The following SLC44A5 variants were observed in gnomAD, a reference collection of about 807,000 sequenced individuals.
SLC44A5 encodes the protein solute carrier family 44 member 5, also known as choline transporter-like protein 5.
Under a neutral mutation model 101.8 loss-of-function variants are expected in SLC44A5, and 57 were observed. The ratio of observed to expected loss-of-function variants is 0.56; its 90% confidence interval spans 0.45 to 0.70. The LOEUF (loss-of-function observed/expected upper bound fraction) is 0.70. SLC44A5 is among the 30% of genes least tolerant of loss of function. The probability of loss-of-function intolerance (pLI) is 0.00; values close to 1 mark genes in which losing one functional copy is unlikely to be tolerated. For synonymous variants in SLC44A5, 281 were observed against 290.9 expected, an observed-to-expected ratio of 0.97 and a Z score of 0.35; for missense variants, 737 against 853.1, an observed-to-expected ratio of 0.86 and a Z score of 1.70.
the SLC44A5 span, among the ~76,000 whole-genome samples, chr1:75,625,844 C>T: frequency 6.6e-6 from 1 of 152,240 alleles, no homozygotes; most frequent in East Asian, 1.9e-4. Context: ...GTTTAAATTG[C>T]TGTTGTGTTT....
intron 6 of SLC44A5, among the ~76,000 whole-genome samples, chr1:75,254,118 G>A (rs1426968833): frequency 4.0e-5 from 6 of 151,498 alleles, no homozygotes; most frequent in Admixed American, 1.3e-4. Context: ...TGCTCACTGC[G>A]ACCTCTGCCT....
chr1:75,251,993 A>G (rs1173143541), intron 6 of SLC44A5, among the ~76,000 whole-genome samples: 1 of 152,142 alleles, frequency 6.6e-6, no homozygotes, highest in Non-Finnish European at 1.5e-5. Flanking sequence ...TACTTCACAG[A>G]GTGTTGGGAG....
chr1:75,590,555 G>A (rs1174683024), intron 1 of SLC44A5, among the ~76,000 whole-genome samples: 1 of 152,110 alleles, frequency 6.6e-6, no homozygotes, highest in Non-Finnish European at 1.5e-5. Flanking sequence ...CTGCCCTGGG[G>A]CAGAGAGGAG....
chr1:75,347,216 T>A (rs914841838), intron 3 of SLC44A5, among the ~76,000 whole-genome samples: 1 of 152,148 alleles, frequency 6.6e-6, no homozygotes, highest in African/African-American at 2.4e-5. Flanking sequence ...AGTGATAACA[T>A]CTCTCCTGCT....
chr1:75,657,331 T>C, the SLC44A5 span, among the ~76,000 whole-genome samples: 1 of 152,026 alleles, frequency 6.6e-6, no homozygotes, highest in Admixed American at 6.6e-5. Flanking sequence ...GGTTGATCAC[T>C]TGAGCTCAGG....
At chr1:75,604,082 T>G (rs1675176157) in intron 1 of SLC44A5, among the ~76,000 whole-genome samples, 1 of 152,110 alleles carries the variant, frequency 6.6e-6, no homozygotes, top group Admixed American at 6.6e-5. Context: ...TCATAAATTT[T>G]TCCCAAAGTC....
chr1:75,511,625 A>G (rs1336532283), intron 2 of SLC44A5, among the ~76,000 whole-genome samples: 1 of 152,222 alleles, frequency 6.6e-6, no homozygotes, highest in Non-Finnish European at 1.5e-5. Flanking sequence ...ACAAAGTGAT[A>G]TAACTAATGC....
chr1:75,243,553 G>C (rs985004194), intron 7 of SLC44A5, among the ~76,000 whole-genome samples: 2 of 152,056 alleles, frequency 1.3e-5, no homozygotes, highest in African/African-American at 4.8e-5. Context: ...TACAGTGATA[G>C]ACTTATTTTT....
At chr1:75,338,190 G>A (rs1341410152) in intron 4 of SLC44A5, among the ~76,000 whole-genome samples, 3 of 152,118 alleles carry the variant, frequency 2.0e-5, no homozygotes, top group Non-Finnish European at 4.4e-5. Flanking sequence ...TTGTGGTGCC[G>A]GAGGCATCAC....
intron 2 of SLC44A5, among the ~76,000 whole-genome samples, chr1:75,532,354 T>C (rs1670765066): frequency 6.6e-6 from 1 of 152,228 alleles, no homozygotes; most frequent in African/African-American, 2.4e-5. Context: ...CAGATTATCA[T>C]CTATAAAATG....
intron 3 of SLC44A5, among the ~76,000 whole-genome samples, chr1:75,372,374 GA>G (rs894064299): frequency 1.3e-5 from 2 of 151,966 alleles, no homozygotes; most frequent in Non-Finnish European, 2.9e-5. Context: ...AGATTGAGAG[GA>G]AAAAATAAAG....
At chr1:75,557,628 T>C (rs943196766) in intron 1 of SLC44A5, among the ~76,000 whole-genome samples, 4 of 152,104 alleles carry the variant, frequency 2.6e-5, no homozygotes, top group South Asian at 4.1e-4. Flanking sequence ...ACAAAAATTA[T>C]ATGGTTCATA....
At chr1:75,677,220 T>C in the SLC44A5 span, among the ~76,000 whole-genome samples, 1 of 152,298 alleles carries the variant, frequency 6.6e-6, no homozygotes, top group South Asian at 2.1e-4. Context: ...ACACTGTAAT[T>C]GTGATATGTA....
intron 6 of SLC44A5, among the ~76,000 whole-genome samples, chr1:75,261,601 C>T (rs1399314823): frequency 1.3e-5 from 2 of 152,110 alleles, no homozygotes; most frequent in African/African-American, 2.4e-5. Context: ...CAAAGAAGAA[C>T]TGGTACCACT....
chr1:75,434,673 C>G (rs1425793617), intron 2 of SLC44A5, among the ~76,000 whole-genome samples: 3 of 152,046 alleles, frequency 2.0e-5, no homozygotes, highest in Non-Finnish European at 4.4e-5. Context: ...GCCTGATCTC[C>G]CTCCCACCTC....
chr1:75,686,827 A>G, the SLC44A5 span, among the ~76,000 whole-genome samples: 1 of 152,188 alleles, frequency 6.6e-6, no homozygotes, highest in Non-Finnish European at 1.5e-5. Context: ...ATATATTTGG[A>G]TAGTACAGTC....
At chr1:75,700,117 G>A in the SLC44A5 span, among the ~76,000 whole-genome samples, 1 of 152,038 alleles carries the variant, frequency 6.6e-6, no homozygotes, top group Non-Finnish European at 1.5e-5. Context: ...AGTTAACAAG[G>A]ATATCCAGGA....
the SLC44A5 span, among the ~76,000 whole-genome samples, chr1:75,667,492 G>T: frequency 6.6e-6 from 1 of 152,212 alleles, no homozygotes; most frequent in South Asian, 2.1e-4. Context: ...TCATGAAAAT[G>T]GCCATACTGC....
chr1:75,241,066 T>G (rs11162881), intron 9 of SLC44A5, among the ~76,000 whole-genome samples: 1 of 77,566 alleles, frequency 1.3e-5, no homozygotes, highest in African/African-American at 3.9e-5. Flanking sequence ...AGTGAATACA[T>G]TATAATTTAA....
Sources: gnomAD v4.1 joint callset for allele counts (sites outside exome capture counted in the v4.1 genomes callset) on GRCh38, gnomAD v4.1.1 for gene constraint, MANE v1.5 for transcripts, NCBI Gene and HGNC (gene_info 2026-07-23, HGNC 2026-07-21) for gene names.